ANKAR: variants seen among roughly 807,000 people sequenced by gnomAD.
The protein encoded by ANKAR is ankyrin and armadillo repeat containing, also known as ankyrin and armadillo repeat-containing protein.
In ANKAR, 136 loss-of-function variants were observed where a neutral mutation model predicts 146.2. That is an observed-to-expected ratio of 0.93 (90% CI 0.81 to 1.07). The LOEUF is 1.07. ANKAR is among the 50% of genes least tolerant of loss of function. ANKAR has a pLI of 0.00. For synonymous variants in ANKAR, 500 were observed against 575.8 expected, an observed-to-expected ratio of 0.87 and a Z score of 1.88; for missense variants, 1,567 against 1,679.9, an observed-to-expected ratio of 0.93 and a Z score of 1.18.
intron 11 of ANKAR, among the ~76,000 whole-genome samples, chr2:189,720,339 G>T (rs183016019): frequency 1.9e-4 from 29 of 151,626 alleles, no homozygotes; most frequent in Admixed American, 5.3e-4. Context: ...CCTCTGCCTC[G>T]TGGGTTCAAG....
chr2:189,692,838 A>G, intron 4 of ANKAR: 1 of 282,260 alleles, frequency 3.5e-6, no homozygotes, highest in Admixed American at 5.3e-5. Context: ...TAGTATAAAA[A>G]TTCTACATTT....
In ANKAR at chr2:189,693,152, C is replaced by A; in HGVS notation, c.1282C>A (p.Pro428Thr). 6.4e-7 allele frequency: 1 copy of A among 1,555,084 alleles called. No homozygotes were observed. Among genetic ancestry groups the A allele is most frequent in the South Asian group, 1.2e-5 (1 of 84,630 alleles). Reference sequence around the variant, plus strand: ...AGGATATAAAGAATATTACTCAATACCAGTCATGGAATTTCATGGAAAAAG... The same window carrying A: ...AGGATATAAAGAATATTACTCAATAACAGTCATGGAATTTCATGGAAAAAG... Reference protein sequence around the residue: ...DSGYKEYYSIPVMEFHGKSYY... With the variant: ...DSGYKEYYSITVMEFHGKSYY... Residue 428 changes from proline to threonine, a missense_variant, in exon 5 of 23, where the codon CCA becomes ACA. By Grantham distance (38) the Pro-to-Thr change is conservative. Transcript: ENST00000684021.
Position 189,743,283 on chromosome 2 carries a change from A to C in ANKAR, c.3819A>C (p.Ala1273=), listed in dbSNP as rs1356981188. Residue 1273 remains alanine (A), a synonymous_variant, in exon 21 of 23, where the codon GCA becomes GCC. Transcript: ENST00000684021. ...ATTGTTTCTTCATTTAGGTTCGTGC[A>C]GCTTGTTCCTCTGCTCTTGGCTACT... ...HLYSGIEEVR[A]ACSSALGYLT... is the part of the protein sequence containing the mutation. 6.2e-7 allele frequency: 1 copy of C among 1,613,244 alleles called. No individual in the cohort carries two copies. The highest frequency in any genetic ancestry group is 1.3e-5 in the African/African-American group (1 of 74,924).
intron 7 of ANKAR, among the ~76,000 whole-genome samples, chr2:189,702,919 G>A (rs1017845626): frequency 2.3e-4 from 35 of 152,192 alleles, no homozygotes; most frequent in African/African-American, 8.2e-4. Flanking sequence ...AGCAGGAATA[G>A]TCCAGGGTGG....
chr2:189,734,597 T>C (rs2042677862), intron 17 of ANKAR, among the ~76,000 whole-genome samples: 1 of 152,168 alleles, frequency 6.6e-6, no homozygotes, highest in Non-Finnish European at 1.5e-5. Flanking sequence ...TGTAAGGTTT[T>C]AGAGGGATCA....
intron 3 of ANKAR, among the ~76,000 whole-genome samples, chr2:189,690,310 T>G (rs1315147158): frequency 6.6e-6 from 1 of 152,152 alleles, no homozygotes; most frequent in East Asian, 1.9e-4. Flanking sequence ...CTATTCAAAA[T>G]CCTGATGATA....
At chr2:189,742,847 CACACAT>C (rs1287624880) in intron 20 of ANKAR, among the ~76,000 whole-genome samples, 1 of 34,560 alleles carries the variant, frequency 2.9e-5, no homozygotes, top group Non-Finnish European at 1.5e-4. Context: ...CACACACACA[CACACAT>C]TAGAATTACC....
downstream of ANKAR, among the ~76,000 whole-genome samples, chr2:189,751,460 T>C (rs562661529): frequency 8.0e-3 from 1,201 of 150,992 alleles, 13 homozygotes; most frequent in Non-Finnish European, 9.4e-3. Context: ...TTTTTTTTTT[T>C]TTGAGATGGA....
intron 2 of ANKAR, among the ~76,000 whole-genome samples, chr2:189,688,987 T>C (rs1042181267): frequency 6.6e-6 from 1 of 152,190 alleles, no homozygotes. Flanking sequence ...CATCTGTTGG[T>C]GAACGGGCCG....
chr2:189,696,219 A>C lies in ANKAR; in HGVS notation c.1558A>C (p.Lys520Gln). 1 of 1,614,138 alleles carries C rather than the reference A, an allele frequency of 6.2e-7. No homozygotes were observed. Among genetic ancestry groups the C allele is most frequent in the Non-Finnish European group, 8.5e-7 (1 of 1,180,004 alleles). ...LSAVFHTFSR[K>Q]TSSSTINVSD... The stretch of plus-strand genomic sequence containing the variant: ...TGCAGTTTTCCACACATTTAGCCGT[A>C]AAACCTCAAGCTCAACAATCAATGT... Residue 520 changes from lysine (K) to glutamine (Q), a missense_variant, in exon 7 of 23, where the codon AAA (lysine) becomes CAA (glutamine). Transcript: ENST00000684021.
At chr2:189,692,508 C>T in intron 4 of ANKAR, 90 bp downstream of exon 4, 1 of 1,090,660 alleles carries the variant, frequency 9.2e-7, no homozygotes, top group Non-Finnish European at 1.3e-6. Context: ...GGTACAGGCA[C>T]TCGACAGCTC....
intron 21 of ANKAR, among the ~76,000 whole-genome samples, chr2:189,743,932 T>C (rs1424856722): frequency 1.3e-5 from 2 of 152,182 alleles, no homozygotes; most frequent in Non-Finnish European, 2.9e-5. Flanking sequence ...ACAGTGAAGT[T>C]TGCCAGGTAT....
rs1271813477 is a variant in ANKAR, at chr2:189,736,528, G to C, written c.3424-1155G>C. Among the ~76,000 whole-genome samples the C allele has an allele frequency of 6.3e-5, 8 of 127,536 alleles. No individual in the cohort carries two copies. The East Asian group carries it at 1.4e-3, about 23-fold the overall frequency. The allele number at this position is 127,536 out of a possible 152,430, so 83.7% of individuals were successfully genotyped here. On this transcript the variant is annotated intron_variant, in intron 17 of 22. Transcript: ENST00000684021. ...TGTGTGTGTGTGTGTGTGTGTGTGT[G>C]TGTGTGTGTGTATGTGATTTTTATT...
rs2043632450 is a variant in ANKAR, at chr2:189,743,290, TC to T, written c.3828del (p.Ser1277LeufsTer6). The T allele has an allele frequency of 6.2e-7, 1 of 1,613,748 alleles. No homozygotes were observed. Among genetic ancestry groups the T allele is most frequent in the African/African-American group, 1.3e-5 (1 of 75,064 alleles). Reference sequence around the variant, plus strand: ...CTTCATTTAGGTTCGTGCAGCTTGTTCCTCTGCTCTTGGCTACTTAACATAC... The same window carrying T: ...CTTCATTTAGGTTCGTGCAGCTTGTTCTCTGCTCTTGGCTACTTAACATAC... Reference protein sequence around the residue: ...SGIEEVRAACSSALGYLTYNA... With the variant: ...SGIEEVRAACXSALGYLTYNA... On this transcript the variant is annotated frameshift_variant, in exon 21 of 23. Transcript: ENST00000684021. LOFTEE classifies it high-confidence loss of function.
chr2:189,715,260 A>G (rs2040285221), intron 10 of ANKAR, among the ~76,000 whole-genome samples: 1 of 152,220 alleles, frequency 6.6e-6, no homozygotes, highest in Non-Finnish European at 1.5e-5. Flanking sequence ...AGGGGATATC[A>G]CTACCAACCC....
intron 17 of ANKAR, among the ~76,000 whole-genome samples, chr2:189,734,136 G>T (rs1306851660): frequency 5.3e-5 from 8 of 152,098 alleles, no homozygotes; most frequent in African/African-American, 1.4e-4. Flanking sequence ...GGTATATAAC[G>T]TTGATGTATT....
At position 189,695,988 on chromosome 2, in the gene ANKAR, A is replaced by G. The variant is rs16831880; in HGVS notation, c.1489-162A>G. Reference sequence around the variant, plus strand: ...TTTGCTTATAGCTCTAACTACTTTAATCATTATCCAGTAAGAAACTTTCCA... The same window carrying G: ...TTTGCTTATAGCTCTAACTACTTTAGTCATTATCCAGTAAGAAACTTTCCA... On this transcript the variant is annotated intron_variant, in intron 6 of 22. Coordinates refer to ENST00000684021, the MANE Select transcript of ANKAR (RefSeq NM_001378068.1). Among the ~76,000 whole-genome samples the G allele has an allele frequency of 0.035, 5,294 of 152,336 alleles. 108 individuals carry two copies. The highest frequency in any genetic ancestry group is 0.069 in the South Asian group (333 of 4,832).
intron 18 of ANKAR, among the ~76,000 whole-genome samples, chr2:189,738,306 A>C (rs2043024352): frequency 1.3e-5 from 2 of 152,098 alleles, no homozygotes; most frequent in African/African-American, 4.8e-5. Context: ...AATTTCTATG[A>C]ACCCATATTG....
At chr2:189,741,901 A>T (rs1435364993) in intron 20 of ANKAR, among the ~76,000 whole-genome samples, 1 of 152,262 alleles carries the variant, frequency 6.6e-6, no homozygotes, top group Non-Finnish European at 1.5e-5. Flanking sequence ...GATGACAAAG[A>T]AACTTATAAT....
Sources: gnomAD v4.1 joint callset for allele counts (sites outside exome capture counted in the v4.1 genomes callset) on GRCh38, gnomAD v4.1.1 for gene constraint, MANE v1.5 for transcripts, NCBI Gene and HGNC (gene_info 2026-07-23, HGNC 2026-07-21) for gene names.